The following MOCS1 variants were observed in gnomAD, a reference collection of about 807,000 sequenced individuals.
The protein encoded by MOCS1 is molybdenum cofactor synthesis 1, also known as molybdenum cofactor biosynthesis protein 1.
A neutral mutation model predicts 57.6 loss-of-function variants in MOCS1; 39 were observed. The ratio of observed to expected loss-of-function variants is 0.68; its 90% CI spans 0.52 to 0.88. The LOEUF is 0.88. Ranked by LOEUF, MOCS1 falls within the 40% of genes least tolerant of loss-of-function variation. The pLI is 0.00. For synonymous variants in MOCS1, 334 were observed against 335.7 expected (o/e 1.00, Z 0.05); for missense variants, 795 against 831.1 (o/e 0.96, Z 0.53).
intron 1 of MOCS1, among the ~76,000 whole-genome samples, chr6:39,930,778 T>C (rs1407998734): frequency 1.3e-5 from 2 of 152,174 alleles, no homozygotes; most frequent in African/African-American, 4.8e-5. Flanking sequence ...GGGCAAGTTG[T>C]TGTGGTTCTG....
In MOCS1 at chr6:39,906,205, C is replaced by CTGTT. The variant is rs755366490; in HGVS notation, c.*148_*151dup. 163 of 943,562 alleles carry CTGTT rather than the reference C, an allele frequency of 1.7e-4. No homozygotes were observed. Among genetic ancestry groups the CTGTT allele is most frequent in the South Asian group, 8.0e-4 (62 of 77,148 alleles). 58.4% of individuals were successfully genotyped at this position (943,562 alleles called of 1,614,324 possible). A position where few individuals can be genotyped will look rare whatever the true frequency, so the allele number is the denominator to read the frequency against. The stretch of plus-strand genomic sequence containing the variant: ...CATTAGAGATCATCTAGCAGCAGGC[C>CTGTT]TGTTTGTTAGTAGTAGAGCAGGCTG... On this transcript the variant is annotated 3_prime_UTR_variant, in exon 11 of 11. Transcript: ENST00000340692.
chr6:39,927,676 G>T, intron 1 of MOCS1: 2 of 1,551,056 alleles, frequency 1.3e-6, no homozygotes. Context: ...CAGCTTGGGG[G>T]TCGGGGGCGG....
chr6:39,933,471 T>C (rs1768744594), intron 1 of MOCS1, among the ~76,000 whole-genome samples: 1 of 152,190 alleles, frequency 6.6e-6, no homozygotes, highest in East Asian at 1.9e-4. Context: ...GCAGTGATCT[T>C]ATGAATCCCA....
chr6:39,909,680 G>A (rs2149400069), intron 9 of MOCS1, among the ~76,000 whole-genome samples, 155 bp downstream of exon 9: 1 of 152,100 alleles, frequency 6.6e-6, no homozygotes, highest in East Asian at 1.9e-4. Flanking sequence ...TGAGTCCAGA[G>A]GGCCAACAGC....
intron 3 of MOCS1, among the ~76,000 whole-genome samples, chr6:39,921,931 C>T (rs1433400293): frequency 6.6e-6 from 1 of 152,142 alleles, no homozygotes; most frequent in African/African-American, 2.4e-5. Flanking sequence ...TCCCTTTTCC[C>T]ACCCTCCACC....
chr6:39,924,101 C>T (rs1164427809), intron 3 of MOCS1, among the ~76,000 whole-genome samples: 1 of 152,210 alleles, frequency 6.6e-6, no homozygotes, highest in Non-Finnish European at 1.5e-5. Flanking sequence ...TTTAGAAGCT[C>T]ATGGCAAGAG....
At chr6:39,911,002 G>GC (rs1431737853) in intron 8 of MOCS1, among the ~76,000 whole-genome samples, 1 of 152,162 alleles carries the variant, frequency 6.6e-6, no homozygotes, top group Non-Finnish European at 1.5e-5. Context: ...CCCTTCCTGG[G>GC]CCCCAGTGAC....
Position 39,927,404 on chromosome 6 carries a change from C to T in MOCS1, c.175G>A (p.Ala59Thr), listed in dbSNP as rs770756364. Residue 59 changes from alanine to threonine, a missense_variant, in exon 2 of 11, where the codon GCC becomes ACC. Coordinates refer to ENST00000340692, the MANE Select transcript of MOCS1 (RefSeq NM_001358530.2). ...CGGCCGAAGCTGTCTGTGAGGAAGG[C>T]GGAGAAGGGGGCCGCATGCTCCCGC... ...FLREHAAPFS[A>T]FLTDSFGRQH... 16 of 1,612,654 alleles carry T rather than the reference C, an allele frequency of 9.9e-6. No individual in the cohort carries two copies. In the East Asian group the frequency reaches 2.5e-4, roughly 25 times the overall value.
chr6:39,927,912 A>C (rs1038823803), intron 1 of MOCS1, among the ~76,000 whole-genome samples: 43 of 151,882 alleles, frequency 2.8e-4, no homozygotes, highest in Non-Finnish European at 2.9e-5. Flanking sequence ...TCCCATGTAC[A>C]AGTCTGATCT....
chr6:39,904,429 G>GGTT lies in MOCS1; in HGVS notation c.*1925_*1927dup, dbSNP rs1562074934. The stretch of plus-strand genomic sequence containing the variant: ...GGGGTGGCTGAGCTGGTCCTTAATA[G>GGTT]GTTGTTTCTTGGTCTTGCTTTCTTC... On this transcript the variant is annotated 3_prime_UTR_variant, in exon 11 of 11. Coordinates refer to ENST00000340692, the MANE Select transcript of MOCS1 (RefSeq NM_001358530.2). 1 of 454,958 alleles carries GGTT rather than the reference G, an allele frequency of 2.2e-6. No homozygotes were observed. The highest frequency in any genetic ancestry group is 2.3e-5 in the Admixed American group (1 of 42,582). 28.2% of individuals were successfully genotyped at this position (454,958 alleles called of 1,614,324 possible).
chr6:39,927,941 C>G (rs1768431490), intron 1 of MOCS1, among the ~76,000 whole-genome samples: 1 of 152,126 alleles, frequency 6.6e-6, no homozygotes, highest in South Asian at 2.1e-4. Context: ...CCGTCTCCCC[C>G]TGACCTATCG....
intron 3 of MOCS1, 49 bp downstream of exon 3, chr6:39,925,629 C>T (rs769104855): frequency 9.9e-6 from 16 of 1,609,142 alleles, no homozygotes; most frequent in Admixed American, 5.0e-5. Context: ...AGTGTCCAGC[C>T]GGATGAGGCA....
chr6:39,909,804 T>C (rs748647780), intron 9 of MOCS1, 31 bp downstream of exon 9: 1 of 1,610,290 alleles, frequency 6.2e-7, no homozygotes. Flanking sequence ...CCACTCACCA[T>C]CCAGGCCAGC....
Position 39,906,500 on chromosome 6 carries a change from C to A in MOCS1, c.1768G>T (p.Glu590Ter), listed in dbSNP as rs1766950712. The change falls in exon 11 of 11, where the codon GAG becomes TAG. Residue 590 changes from glutamate to a stop codon, truncating the protein, a stop_gained. Coordinates refer to ENST00000340692, the MANE Select transcript of MOCS1 (RefSeq NM_001358530.2). LOFTEE classifies it high-confidence loss of function. ...GCAGCAGAGGTCAGGGCCTCCATCT[C>A]CACCCCGGTGGGGCCCCGAGCCCGG... Reference protein sequence around the residue: ...SCRARGPTGVEMEALTSAAVA... With the variant: ...SCRARGPTGV 6.2e-7 allele frequency: 1 copy of A among 1,613,980 alleles called. No homozygotes were observed. The highest frequency in any genetic ancestry group is 1.3e-5 in the African/African-American group (1 of 74,934).
chr6:39,912,183 C>T (rs923005838), intron 8 of MOCS1, 81 bp downstream of exon 8: 1 of 1,127,048 alleles, frequency 8.9e-7, no homozygotes, highest in African/African-American at 1.5e-5. Flanking sequence ...CCAGCCTCCT[C>T]TCCAATCAGG....
rs111711757 is a variant in MOCS1 at position 39,925,028 on chromosome 6, C to T, written c.418+650G>A. ...CTGGGAGGTGGAGGTTGCAGTGAGC[C>T]GAGATCCTGCCACTGCACTCTAGCC... On this transcript the variant is annotated intron_variant, in intron 3 of 10. Coordinates refer to ENST00000340692, the MANE Select transcript of MOCS1 (RefSeq NM_001358530.2). Among the ~76,000 whole-genome samples, 1,354 of 152,154 alleles carry T rather than the reference C, an allele frequency of 8.9e-3. 117 individuals carry two copies. In the East Asian group the frequency reaches 0.2, roughly 22 times the overall value.
chr6:39,923,793 T>C (rs1768111851), intron 3 of MOCS1, among the ~76,000 whole-genome samples: 1 of 152,232 alleles, frequency 6.6e-6, no homozygotes, highest in South Asian at 2.1e-4. Flanking sequence ...CAGGGGGACC[T>C]GGGCCCCTCC....
rs758115361 is a variant in MOCS1 at position 39,913,437 on chromosome 6, G to C, written c.646-9C>G. The C allele has an allele frequency of 6.2e-7, 1 of 1,611,460 alleles. No individual in the cohort carries two copies. Among genetic ancestry groups the C allele is most frequent in the East Asian group, 2.2e-5 (1 of 44,868 alleles). ...ATCACCACACAGTTCACCTGGCCGG[G>C]GAACAATGGGACCATGAGGGCTGTG... On this transcript the variant is annotated splice_polypyrimidine_tract_variant and intron_variant, in intron 5 of 10. Transcript: ENST00000340692.
intron 3 of MOCS1, among the ~76,000 whole-genome samples, chr6:39,918,073 T>C (rs1224547199): frequency 2.0e-5 from 3 of 152,242 alleles, no homozygotes; most frequent in Middle Eastern, 3.2e-3. Context: ...TATTTATTTA[T>C]AGGTAAAATT....
Sources: allele counts gnomAD v4.1 joint callset (sites outside exome capture counted in the v4.1 genomes callset), GRCh38; gene constraint gnomAD v4.1.1; transcripts MANE v1.5; gene names NCBI Gene and HGNC (gene_info 2026-07-23, HGNC 2026-07-21).